EXTL3: variants seen among roughly 807,000 people sequenced by gnomAD.
EXTL3 encodes the protein exostosin-like 3.
EXTL3 carries 27 observed loss-of-function variants against 69.3 expected under a neutral mutation model. The ratio of observed to expected loss-of-function variants is 0.39; its 90% CI spans 0.29 to 0.54. The LOEUF (loss-of-function observed/expected upper bound fraction) is 0.54, where lower values mean the gene tolerates loss of function less well. Among genes scored for constraint, EXTL3 ranks in the 20% least tolerant of loss-of-function variants. The pLI is 0.69. For missense variants in EXTL3, 1,003 were observed against 1,231.8 expected (o/e 0.81, Z 2.78); for synonymous variants, 511 against 499.4 (o/e 1.02, Z -0.31).
intron 1 of EXTL3, among the ~76,000 whole-genome samples, chr8:28,658,003 C>T (rs1382605154): frequency 2.0e-5 from 3 of 152,192 alleles, no homozygotes; most frequent in African/African-American, 7.2e-5. Context: ...TGATTCTGAG[C>T]CCGCTGGCAA....
rs573052861 is a variant in EXTL3 at position 28,716,532 on chromosome 8, G to T, written c.473G>T (p.Arg158Leu). 6 of 1,614,026 alleles carry T rather than the reference G, an allele frequency of 3.7e-6. No individual in the cohort carries two copies. The highest frequency in any genetic ancestry group is 1.7e-5 in the Admixed American group (1 of 60,014). ...CAGCCCAAGCTGTCCCTGCCCATCCGACTGCTCCCAGAGAAGGACGATGCC... is the reference window on the plus strand; with the variant it reads ...CAGCCCAAGCTGTCCCTGCCCATCCTACTGCTCCCAGAGAAGGACGATGCC... Reference protein sequence around the residue: ...QNQPKLSLPIRLLPEKDDAGL... With the variant: ...QNQPKLSLPILLLPEKDDAGL... The change falls in exon 3 of 7, where the codon CGA (arginine) becomes CTA (leucine). Residue 158 changes from arginine (R) to leucine (L), a missense_variant. Physicochemically the swap from Arg to Leu is moderately radical, Grantham distance 102. Around this residue, in one of 2 missense-constraint regions of EXTL3, gnomAD observed 742 missense variants for 815.4 expected, o/e 0.91. Transcript: ENST00000220562. This position sits in a 1 kb window ranked among gnomAD's most constrained non-coding sequence, Gnocchi z 7.1.
chr8:28,745,020 A>C (rs942651055), intron 6 of EXTL3, among the ~76,000 whole-genome samples: 2 of 152,140 alleles, frequency 1.3e-5, no homozygotes, highest in Non-Finnish European at 2.9e-5. Flanking sequence ...ACCAGCATGT[A>C]CTAATAACGA....
intron 2 of EXTL3, among the ~76,000 whole-genome samples, chr8:28,611,342 C>T (rs1164895287): frequency 6.6e-6 from 1 of 151,904 alleles, no homozygotes; most frequent in Non-Finnish European, 1.5e-5. Context: ...AGTCCCAGCT[C>T]CTTGGTAGGC....
At chr8:28,673,173 G>C (rs1487395863) in intron 1 of EXTL3, among the ~76,000 whole-genome samples, 1 of 152,182 alleles carries the variant, frequency 6.6e-6, no homozygotes. Flanking sequence ...CTTCAAAACT[G>C]TATAGATGAC....
chr8:28,742,764 A>G (rs1215118004), intron 5 of EXTL3: 1 of 333,166 alleles, frequency 3.0e-6, no homozygotes, highest in East Asian at 7.1e-5. Flanking sequence ...GTTAGAGATA[A>G]AATAGTGTTC....
intron 1 of EXTL3, among the ~76,000 whole-genome samples, chr8:28,631,185 C>G (rs1215036854): frequency 6.7e-6 from 1 of 149,244 alleles, no homozygotes; most frequent in African/African-American, 2.5e-5. Context: ...AGGATTATCA[C>G]GTGGCCTCCC....
At position 28,716,167 on chromosome 8, in the gene EXTL3, C is replaced by G. The variant is rs774834164; in HGVS notation, c.108C>G (p.Leu36=). The change falls in exon 3 of 7, where the codon CTC becomes CTG. Residue 36 remains leucine, a synonymous_variant. Coordinates refer to ENST00000220562, the MANE Select transcript of EXTL3 (RefSeq NM_001440.4). This position sits in a 1 kb window ranked among gnomAD's most constrained non-coding sequence, Gnocchi z 7.1. ...RIRLTWLSFT[L]FVILVFFPLI... The stretch of plus-strand genomic sequence containing the variant: ...GCCTCACGTGGCTCAGCTTCACGCT[C>G]TTTGTCATCCTGGTCTTCTTCCCGC... 1.9e-5 allele frequency: 30 copies of G among 1,614,064 alleles called. No individual in the cohort carries two copies. The highest frequency in any genetic ancestry group is 2.5e-5 in the Non-Finnish European group (29 of 1,180,054).
At chr8:28,636,713 C>T (rs923197838) in intron 1 of EXTL3, among the ~76,000 whole-genome samples, 2 of 152,088 alleles carry the variant, frequency 1.3e-5, no homozygotes, top group Non-Finnish European at 2.9e-5. Flanking sequence ...CTGCGGAAAA[C>T]TTAGTGTTAT....
chr8:28,717,548 C>T lies in EXTL3; in HGVS notation c.1489C>T (p.Leu497Phe). ...KPRVTEVHFL[L>F]RSLSDSDLLA... ...TCGTGTTACCGAGGTTCATTTCCTG[C>T]TCAGAAGCCTCTCCGATAGTGACCT... The change falls in exon 3 of 7, where the codon CTC becomes TTC. Residue 497 changes from leucine to phenylalanine, a missense_variant. Physicochemically the swap from Leu to Phe is conservative, Grantham distance 22. This residue lies in a region of EXTL3 where 742 missense variants were observed against 815.4 expected (regional missense o/e 0.91). Transcript: ENST00000220562. This position sits in a 1 kb window ranked among gnomAD's most constrained non-coding sequence, Gnocchi z 8.3. 1.2e-6 allele frequency: 2 copies of T among 1,614,262 alleles called. No homozygotes were observed. The highest frequency in any genetic ancestry group is 1.7e-6 in the Non-Finnish European group (2 of 1,180,046).
chr8:28,640,124 T>C (rs1378843722), intron 1 of EXTL3, among the ~76,000 whole-genome samples: 3 of 152,078 alleles, frequency 2.0e-5, no homozygotes, highest in Admixed American at 6.6e-5. Flanking sequence ...AAAAAATCCA[T>C]ACCCCTCTGC....
rs750216894 is a variant in EXTL3, at chr8:28,753,647, T to A, written c.*2781T>A. 34 of 152,608 alleles carry A rather than the reference T, an allele frequency of 2.2e-4. No individual in the cohort carries two copies. The highest frequency in any genetic ancestry group is 3.8e-4 in the Non-Finnish European group (26 of 68,050). 9.5% of individuals were successfully genotyped at this position (152,608 alleles called of 1,614,324 possible). On this transcript the variant is annotated 3_prime_UTR_variant, in exon 7 of 7. Transcript: ENST00000220562. Reference sequence around the variant, plus strand: ...ACGAGCACAATGGTCTTACATTGGATTTTTGTAAAAAAATAAAAATAAATG... The same window carrying A: ...ACGAGCACAATGGTCTTACATTGGAATTTTGTAAAAAAATAAAAATAAATG...
In EXTL3 at chr8:28,715,733, T is replaced by G; in HGVS notation, c.-327T>G. 1 of 361,184 alleles carries G rather than the reference T, an allele frequency of 2.8e-6. No individual in the cohort carries two copies. Among genetic ancestry groups the G allele is most frequent in the Non-Finnish European group, 5.1e-6 (1 of 196,752 alleles). The allele number at this position is 361,184 out of a possible 1,614,324, so 22.4% of individuals were successfully genotyped here. A position where few individuals can be genotyped will look rare whatever the true frequency, so the allele number is the denominator to read the frequency against. On this transcript the variant is annotated 5_prime_UTR_variant, in exon 3 of 7. Coordinates refer to ENST00000220562, the MANE Select transcript of EXTL3 (RefSeq NM_001440.4). ...ATGGCATTTGAAAAAGTCTGTCTGA[T>G]TCCAGGGTGTTTTTCCTGGGTTTCA...
intron 1 of EXTL3, among the ~76,000 whole-genome samples, chr8:28,689,904 G>A (rs932734892): frequency 1.3e-5 from 2 of 152,162 alleles, no homozygotes; most frequent in East Asian, 3.9e-4. Flanking sequence ...AGTAGAAAAA[G>A]CAACAGAGAA....
intron 1 of EXTL3, among the ~76,000 whole-genome samples, chr8:28,668,344 T>TG (rs1807231460): frequency 7.1e-6 from 1 of 140,120 alleles, no homozygotes; most frequent in East Asian, 2.0e-4. Context: ...TTTTTTTTTT[T>TG]TTTTTGAGAC....
intron 2 of EXTL3, among the ~76,000 whole-genome samples, chr8:28,612,486 A>G (rs1409626688): frequency 6.6e-6 from 1 of 151,686 alleles, no homozygotes; most frequent in Non-Finnish European, 1.5e-5. Flanking sequence ...AAGAAAAAAG[A>G]AAAAAAGAAA....
chr8:28,617,529 C>T (rs1177819379), intron 2 of EXTL3, among the ~76,000 whole-genome samples: 1 of 152,064 alleles, frequency 6.6e-6, no homozygotes, highest in African/African-American at 2.4e-5. Flanking sequence ...ACCTGTAATC[C>T]CAGTACTTTG....
At chr8:28,700,127 T>G (rs1475366993), upstream of EXTL3, 1 of 152,206 alleles carries the variant, frequency 6.6e-6, no homozygotes, top group Non-Finnish European at 1.5e-5. Context: ...ATTTTTAAAC[T>G]TTGCCTCCTC....
intron 3 of EXTL3, among the ~76,000 whole-genome samples, chr8:28,727,684 GGAA>G (rs1801442300): frequency 6.6e-6 from 1 of 151,056 alleles, no homozygotes; most frequent in African/African-American, 2.5e-5. Flanking sequence ...TCTAGTAAGA[GGAA>G]GAGTTGGAAT....
At chr8:28,692,910 G>T (rs551610804) in intron 1 of EXTL3, among the ~76,000 whole-genome samples, 41 of 152,264 alleles carry the variant, frequency 2.7e-4, no homozygotes, top group African/African-American at 9.9e-4. Flanking sequence ...AGCTCTCCCT[G>T]CACTAAGTTC....
Sources: gnomAD v4.1 joint callset for allele counts (sites outside exome capture counted in the v4.1 genomes callset) on GRCh38, gnomAD v4.1.1 for gene constraint, gnomAD v4.1.1 regional missense constraint, Gnocchi (gnomAD v3.1) non-coding constraint, MANE v1.5 for transcripts, NCBI Gene and HGNC (gene_info 2026-07-23, HGNC 2026-07-21) for gene names.